The following SLC25A44 variants were observed in gnomAD, a reference collection of about 807,000 sequenced individuals.
The protein encoded by SLC25A44 is solute carrier family 25 member 44, also known as solute carrier family 25, member 44.
A neutral mutation model predicts 29.9 loss-of-function variants in SLC25A44; 17 were observed. That is an observed-to-expected ratio of 0.57 (90% confidence interval 0.39 to 0.85). SLC25A44 has a LOEUF of 0.85. Ranked by LOEUF, SLC25A44 falls within the 40% of genes least tolerant of loss-of-function variation. SLC25A44 has a pLI of 0.00. For synonymous variants in SLC25A44, 140 were observed against 151.8 expected (o/e 0.92, Z 0.57); for missense variants, 302 against 398.4 (o/e 0.76, Z 2.06).
At position 156,210,398 on chromosome 1, in the gene SLC25A44, C is replaced by T; in HGVS notation, c.912C>T (p.Leu304=). The T allele has an allele frequency of 6.3e-7, 1 of 1,597,320 alleles. No individual in the cohort carries two copies. The highest frequency in any genetic ancestry group is 8.5e-7 in the Non-Finnish European group (1 of 1,172,558). ...ATGAGAGCCTCAAGAAACTCAGCCT[C>T]CGACCTGAGCTGGTGGACTCGAGAC... The part of the protein sequence containing the change: ...VGYESLKKLS[L]RPELVDSRHW Residue 304 remains leucine (L), a synonymous_variant, in exon 4 of 4, where the codon CTC becomes CTT. Transcript: ENST00000359511.
intron 2 of SLC25A44, among the ~76,000 whole-genome samples, chr1:156,207,355 A>AT (rs1657014725): frequency 6.6e-6 from 1 of 151,946 alleles, no homozygotes; most frequent in Non-Finnish European, 1.5e-5. Flanking sequence ...TTTTCTTTGT[A>AT]TTTTTAGTAG....
At position 156,207,947 on chromosome 1, in the gene SLC25A44, G is replaced by A; in HGVS notation, c.687G>A (p.Gly229=). ...CPHIVFQAVS[G]PLAAATASIL... ...ACATTGTCTTTCAAGCTGTCTCGGGGCCCCTGGCTGCAGCCACTGCCTCCA... is the reference window on the plus strand; with the variant it reads ...ACATTGTCTTTCAAGCTGTCTCGGGACCCCTGGCTGCAGCCACTGCCTCCA... Residue 229 remains glycine, a synonymous_variant, in exon 3 of 4, where the codon GGG becomes GGA. Transcript: ENST00000359511. 1 of 1,614,090 alleles carries A rather than the reference G, an allele frequency of 6.2e-7. No homozygotes were observed.
intron 1 of SLC25A44, 116 bp downstream of exon 1, chr1:156,194,363 TGAA>T (rs1294614456): frequency 6.6e-6 from 1 of 152,616 alleles, no homozygotes; most frequent in Non-Finnish European, 1.5e-5. Flanking sequence ...GTTTTGGGAA[TGAA>T]GGACAACTGC....
At chr1:156,208,528 ACT>A (rs1292601500) in intron 3 of SLC25A44, among the ~76,000 whole-genome samples, 1 of 151,954 alleles carries the variant, frequency 6.6e-6, no homozygotes, top group African/African-American at 2.4e-5. Context: ...AATGCTTCTC[ACT>A]CTGTCTGCTA....
In SLC25A44 at chr1:156,200,149, T is replaced by C; in HGVS notation, c.302T>C (p.Val101Ala). ...ACTTATGAGCTCACCCGGAAGTTTG[T>C]AGCTGACTACAGCCAGAGTAACACA... Reference protein sequence around the residue: ...VTTYELTRKFVADYSQSNTVK... With the variant: ...VTTYELTRKFAADYSQSNTVK... Residue 101 changes from valine to alanine, a missense_variant, in exon 2 of 4, where the codon GTA (valine) becomes GCA (alanine). Val to Ala is a moderately conservative substitution (Grantham distance 64). Transcript: ENST00000359511. 3 of 1,614,218 alleles carry C rather than the reference T, an allele frequency of 1.9e-6. No homozygotes were observed. The highest frequency in any genetic ancestry group is 2.5e-6 in the Non-Finnish European group (3 of 1,180,028).
chr1:156,207,868 T>G lies in SLC25A44; in HGVS notation c.626-18T>G, dbSNP rs1214497534. 6.2e-7 allele frequency: 1 copy of G among 1,613,706 alleles called. No individual in the cohort carries two copies. Among genetic ancestry groups the G allele is most frequent in the Admixed American group, 1.7e-5 (1 of 59,992 alleles). On this transcript the variant is annotated intron_variant, in intron 2 of 3. Coordinates refer to ENST00000359511, the MANE Select transcript of SLC25A44 (RefSeq NM_014655.4). The stretch of plus-strand genomic sequence containing the variant: ...TGGTGCTTTGTGTCTTTAGCCATTG[T>G]CTTTCCCTGGATTCCAGAGCAGCTC...
intron 1 of SLC25A44, chr1:156,197,318 G>T (rs1341530464): frequency 1.3e-5 from 2 of 152,178 alleles, no homozygotes; most frequent in African/African-American, 2.4e-5. Flanking sequence ...TGTTCTAGGG[G>T]TTCTCTTGAC....
At chr1:156,204,021 T>C (rs1413585327) in intron 2 of SLC25A44, among the ~76,000 whole-genome samples, 2 of 150,076 alleles carry the variant, frequency 1.3e-5, no homozygotes, top group African/African-American at 4.9e-5. Flanking sequence ...TTTTTTTTTT[T>C]TTTGAGATGG....
intron 2 of SLC25A44, 112 bp from the exon 3 acceptor site, chr1:156,207,774 G>C: frequency 8.9e-7 from 1 of 1,122,116 alleles, no homozygotes; most frequent in Non-Finnish European, 1.3e-6. Flanking sequence ...AGGTGGTGAA[G>C]GGTGGAGGGT....
intron 2 of SLC25A44, 108 bp downstream of exon 2, chr1:156,200,580 G>A: frequency 9.9e-7 from 1 of 1,012,504 alleles, no homozygotes; most frequent in East Asian, 2.4e-5. Context: ...TGGGGGAATG[G>A]GTCATTCACT....
At chr1:156,201,724 A>G (rs541401651) in intron 2 of SLC25A44, among the ~76,000 whole-genome samples, 1 of 142,046 alleles carries the variant, frequency 7.0e-6, no homozygotes, top group Non-Finnish European at 1.5e-5. Context: ...TATTACTTCT[A>G]TTTAGCACAA....
rs1656337534 is a variant in SLC25A44 at position 156,198,219 on chromosome 1, A to G, written c.-13-1616A>G. On this transcript the variant is annotated intron_variant, in intron 1 of 3. Coordinates refer to ENST00000359511, the MANE Select transcript of SLC25A44 (RefSeq NM_014655.4). The surrounding 1 kb of genome is among the most constrained non-coding windows in gnomAD (Gnocchi z 4.1). ...TTCCCAGTCTCCCTTTCTGGCTGAA[A>G]ATTTCTAGTATCTTACAGAACAGCG... 1 of 152,122 alleles carries G rather than the reference A, an allele frequency of 6.6e-6. No homozygotes were observed. The highest frequency in any genetic ancestry group is 1.5e-5 in the Non-Finnish European group (1 of 68,034). 9.4% of individuals were successfully genotyped at this position (152,122 alleles called of 1,614,324 possible). A position where few individuals can be genotyped will look rare whatever the true frequency, so the allele number is the denominator to read the frequency against.
intron 1 of SLC25A44, among the ~76,000 whole-genome samples, chr1:156,195,051 G>C (rs115030691): frequency 0.024 from 3,599 of 151,776 alleles, 170 homozygotes; most frequent in African/African-American, 0.083. Flanking sequence ...ATGCTTTGCT[G>C]TTAACAAAAT....
Position 156,210,329 on chromosome 1 carries a change from AATC to A in SLC25A44, c.847_849del (p.Ile283del). The A allele has an allele frequency of 6.2e-7, 1 of 1,608,710 alleles. No individual in the cohort carries two copies. Among genetic ancestry groups the A allele is most frequent in the Non-Finnish European group, 8.5e-7 (1 of 1,177,734 alleles). ...GCCTCATGAAGGGCCTCTCGGCCAG[AATC>A]ATCTCAGCCACACCTTCCACCATTG... On this transcript the variant is annotated inframe_deletion, in exon 4 of 4. Coordinates refer to ENST00000359511, the MANE Select transcript of SLC25A44 (RefSeq NM_014655.4).
chr1:156,207,796 GGGAAAGCCACCT>G (rs1657048203), intron 2 of SLC25A44, 78 bp from the exon 3 acceptor site: 22 of 1,499,362 alleles, frequency 1.5e-5, no homozygotes, highest in Middle Eastern at 3.6e-4. Flanking sequence ...TGTCTGGGTT[GGGAAAGCCACCT>G]GGTAGAAGCA....
chr1:156,205,967 CAG>C (rs1656901704), intron 2 of SLC25A44, among the ~76,000 whole-genome samples: 1 of 152,166 alleles, frequency 6.6e-6, no homozygotes. Context: ...GTAGACTTCT[CAG>C]TGGTACTGGG....
In SLC25A44 at chr1:156,208,018, G is replaced by C; in HGVS notation, c.753+5G>C. 6.2e-7 allele frequency: 1 copy of C among 1,613,824 alleles called. No individual in the cohort carries two copies. Among genetic ancestry groups the C allele is most frequent in the Non-Finnish European group, 8.5e-7 (1 of 1,179,760 alleles). ...GTCATACGAACCCGTGTGCAGGTAA[G>C]ACTGACCACTTCCCTCACCCTCCTC... On this transcript the variant is annotated splice_donor_5th_base_variant and intron_variant, in intron 3 of 3. Transcript: ENST00000359511.
chr1:156,200,613 G>A (rs1656504924), intron 2 of SLC25A44, 141 bp downstream of exon 2: 1 of 828,946 alleles, frequency 1.2e-6, no homozygotes, highest in Non-Finnish European at 1.9e-6. Context: ...GAATCCAGGA[G>A]GATTTAAAGA....
intron 1 of SLC25A44, chr1:156,199,265 G>C (rs1656398657): frequency 1.3e-5 from 2 of 153,166 alleles, no homozygotes; most frequent in Non-Finnish European, 2.9e-5. Context: ...CCTGCTGAGG[G>C]TGCAAGGCCA....
Sources: gnomAD v4.1 joint callset for allele counts (sites outside exome capture counted in the v4.1 genomes callset) on GRCh38, gnomAD v4.1.1 for gene constraint, Gnocchi (gnomAD v3.1) non-coding constraint, MANE v1.5 for transcripts, NCBI Gene and HGNC (gene_info 2026-07-23, HGNC 2026-07-21) for gene names.